Variants in CEACAM19 observed in about 807,000 individuals in gnomAD.
CEACAM19 encodes the protein CEA cell adhesion molecule 19, also known as cell adhesion molecule CEACAM19.
A neutral mutation model predicts 37.6 loss-of-function variants in CEACAM19; 37 were observed. That is an observed-to-expected ratio of 0.98 (90% confidence interval 0.76 to 1.29). CEACAM19 has a LOEUF of 1.29. Among genes scored for constraint, CEACAM19 ranks in the 50% most tolerant of loss-of-function variants. The pLI, the probability that CEACAM19 is intolerant of heterozygous loss-of-function variation, is 0.00. For missense variants in CEACAM19, 340 were observed against 375.6 expected (o/e 0.91, Z 0.78); for synonymous variants, 140 against 149.8 (o/e 0.93, Z 0.48).
chr19:44,681,381 G>T, intron 6 of CEACAM19, 69 bp downstream of exon 6: 1 of 993,706 alleles, frequency 1.0e-6, no homozygotes. Context: ...AGCTGGCTGT[G>T]GTCCTCTGGG....
chr19:44,667,956 ATC>A (rs1488199500), upstream of CEACAM19, among the ~76,000 whole-genome samples: 591 of 82,660 alleles, frequency 7.1e-3, 9 homozygotes, highest in Non-Finnish European at 0.01. Flanking sequence ...AATTATATAA[ATC>A]TATATAAATA....
chr19:44,679,069 C>T lies in CEACAM19; in HGVS notation c.659+133C>T, dbSNP rs1388688031. On this transcript the variant is annotated intron_variant, in intron 4 of 7. Coordinates refer to ENST00000358777, the MANE Select transcript of CEACAM19 (RefSeq NM_001127893.3). The stretch of plus-strand genomic sequence containing the variant: ...GTGCAGTGGTGCGATCGTAGCTCAC[C>T]GTAGCCTCGACCTCCCTGGTTCAAA... 5.2e-6 allele frequency: 7 copies of T among 1,347,826 alleles called. No homozygotes were observed. In the South Asian group the frequency reaches 9.1e-5, roughly 18 times the overall value. 83.5% of individuals were successfully genotyped at this position (1,347,826 alleles called of 1,614,324 possible).
upstream of CEACAM19, among the ~76,000 whole-genome samples, chr19:44,667,849 C>A (rs189902748): frequency 0.2 from 11,186 of 57,154 alleles, 2,870 homozygotes; most frequent in African/African-American, 0.64. Flanking sequence ...ATAATATATA[C>A]AATATATATA....
At chr19:44,670,168 T>C (rs1599784975), upstream of CEACAM19, among the ~76,000 whole-genome samples, 1 of 149,742 alleles carries the variant, frequency 6.7e-6, no homozygotes, top group Non-Finnish European at 1.5e-5. Flanking sequence ...ACAAAACATA[T>C]AAAAATTGAC....
intron 7 of CEACAM19, chr19:44,683,226 C>G: frequency 4.4e-6 from 2 of 458,272 alleles, no homozygotes; most frequent in Non-Finnish European, 7.9e-6. Context: ...TCTCTCCTGC[C>G]TCTTTGTCTC....
chr19:44,670,989 C>A (rs1973846081), upstream of CEACAM19, among the ~76,000 whole-genome samples: 1 of 151,960 alleles, frequency 6.6e-6, no homozygotes, highest in South Asian at 2.1e-4. Flanking sequence ...CAGCTACTCC[C>A]TGAGGTGGGA....
Position 44,672,772 on chromosome 19 carries a change from T to A in CEACAM19, c.232T>A (p.Phe78Ile), listed in dbSNP as rs758445597. The change falls in exon 2 of 8, where the codon TTT (phenylalanine) becomes ATT (isoleucine). Residue 78 changes from phenylalanine (F) to isoleucine (I), a missense_variant. Phe to Ile is a conservative substitution (Grantham distance 21, BLOSUM62 0). Transcript: ENST00000358777. Reference protein sequence around the residue: ...GEETYGGTRLFTYIPGIQRPQ... With the variant: ...GEETYGGTRLITYIPGIQRPQ... ...GGAGACGTACGGAGGCACGAGGCTA[T>A]TTACCTACATCCCTGGGATACAACG... 6.3e-7 allele frequency: 1 copy of A among 1,581,324 alleles called. No individual in the cohort carries two copies. The highest frequency in any genetic ancestry group is 1.4e-5 in the African/African-American group (1 of 73,846).
chr19:44,683,171 T>C (rs1974094803), intron 7 of CEACAM19: 1 of 399,738 alleles, frequency 2.5e-6, no homozygotes. Flanking sequence ...TCTTTACATG[T>C]CTTCGTTTCT....
intron 6 of CEACAM19, among the ~76,000 whole-genome samples, chr19:44,682,076 A>G (rs1032823607): frequency 2.0e-5 from 3 of 152,048 alleles, no homozygotes; most frequent in Non-Finnish European, 2.9e-5. Context: ...TGGGGAACAT[A>G]GCTAGACCCC....
upstream of CEACAM19, among the ~76,000 whole-genome samples, chr19:44,669,680 G>T (rs1403873868): frequency 6.6e-6 from 1 of 151,978 alleles, no homozygotes; most frequent in African/African-American, 2.4e-5. Flanking sequence ...GCTGCCTGGT[G>T]CACCTCATGC....
intron 2 of CEACAM19, 79 bp downstream of exon 2, chr19:44,673,043 C>A: frequency 8.2e-7 from 1 of 1,222,476 alleles, no homozygotes; most frequent in Non-Finnish European, 1.1e-6. Context: ...GCTGTGCAAA[C>A]ACCATTTCAT....
At chr19:44,671,291 T>G (rs770632345), upstream of CEACAM19, 27 of 161,614 alleles carry the variant, frequency 1.7e-4, no homozygotes, top group Non-Finnish European at 4.0e-5. Flanking sequence ...CTGACTAACT[T>G]TTGTATTTTT....
intron 5 of CEACAM19, 34 bp downstream of exon 5, chr19:44,680,368 C>T (rs1167538697): frequency 1.3e-6 from 2 of 1,587,898 alleles, no homozygotes; most frequent in Non-Finnish European, 8.6e-7. Flanking sequence ...ACTACCTAGC[C>T]CTCCTCTCAG....
At chr19:44,673,147 T>C (rs773576459) in intron 2 of CEACAM19, among the ~76,000 whole-genome samples, 183 bp downstream of exon 2, 61 of 152,324 alleles carry the variant, frequency 4.0e-4, no homozygotes, top group Admixed American at 5.9e-4. Flanking sequence ...CATTAACTAA[T>C]AAAATATCTA....
In CEACAM19 at chr19:44,681,286, G is replaced by A. The variant is rs1297574458; in HGVS notation, c.766G>A (p.Asp256Asn). Residue 256 changes from aspartate (D) to asparagine (N), a missense_variant, in exon 6 of 8, where the codon GAC (aspartate) becomes AAC (asparagine). Transcript: ENST00000358777. The stretch of plus-strand genomic sequence containing the variant: ...AGTCCTCCTGGTGTCCCCCATCAGT[G>A]ACACAAGGTCCATAAACCCAGCCCG... ...SPVLLVSPIS[D>N]TRSINPARPL... 6.2e-7 allele frequency: 1 copy of A among 1,614,028 alleles called. No homozygotes were observed. Among genetic ancestry groups the A allele is most frequent in the African/African-American group, 1.3e-5 (1 of 75,036 alleles).
At chr19:44,672,469 C>CAGCTTGTTTCCAACA in intron 1 of CEACAM19, 127 bp from the exon 2 acceptor site, 2 of 1,054,060 alleles carry the variant, frequency 1.9e-6, no homozygotes, top group Non-Finnish European at 2.6e-6. Flanking sequence ...TAATCAATCC[C>CAGCTTGTTTCCAACA]AGCATTGTTT....
chr19:44,668,025 A>G (rs1226968671), upstream of CEACAM19, among the ~76,000 whole-genome samples: 1 of 85,524 alleles, frequency 1.2e-5, no homozygotes, highest in Non-Finnish European at 2.0e-5. Context: ...TTTATATAGT[A>G]TATATTATAT....
At position 44,672,538 on chromosome 19, in the gene CEACAM19, C is replaced by A. The variant is rs1599786642; in HGVS notation, c.56-58C>A. The A allele has an allele frequency of 4.9e-6, 7 of 1,419,854 alleles. No individual in the cohort carries two copies. In the East Asian group the frequency reaches 1.8e-4, roughly 37 times the overall value. 88.0% of individuals were successfully genotyped at this position (1,419,854 alleles called of 1,614,324 possible). A position where few individuals can be genotyped will look rare whatever the true frequency, so the allele number is the denominator to read the frequency against. ...CTGAAGATCTGTATCTAGAGAGGAG[C>A]ATGCCATGGTCCCTGGCAACACCCC... is the stretch of plus-strand genomic sequence containing the variant. On this transcript the variant is annotated intron_variant, in intron 1 of 7. Coordinates refer to ENST00000358777, the MANE Select transcript of CEACAM19 (RefSeq NM_001127893.3).
At chr19:44,670,392 G>A (rs1973834156), upstream of CEACAM19, among the ~76,000 whole-genome samples, 1 of 151,362 alleles carries the variant, frequency 6.6e-6, no homozygotes. Flanking sequence ...ATACACTCTG[G>A]GGCTGGGTGC....
Sources: gnomAD v4.1 joint callset for allele counts (sites outside exome capture counted in the v4.1 genomes callset) on GRCh38, gnomAD v4.1.1 for gene constraint, MANE v1.5 for transcripts, NCBI Gene and HGNC (gene_info 2026-07-23, HGNC 2026-07-21) for gene names.